FAF2: variants seen among roughly 807,000 people sequenced by gnomAD.
FAF2 encodes the protein FAS-associated factor 2.
A neutral mutation model predicts 62.3 loss-of-function variants in FAF2; 9 were observed. The observed-to-expected ratio is 0.14, with a 90% CI of 0.09 to 0.25. The LOEUF is 0.25. FAF2 is among the 10% of genes least tolerant of loss of function. The probability of loss-of-function intolerance (pLI) is 1.00; values close to 1 mark genes in which losing one functional copy is unlikely to be tolerated. For missense variants in FAF2, 368 were observed against 556.2 expected (o/e 0.66, Z 3.40); for synonymous variants, 202 against 198.0 (o/e 1.02, Z -0.17).
At chr5:176,504,425 A>C (rs572577409) in intron 10 of FAF2, among the ~76,000 whole-genome samples, 5 of 152,046 alleles carry the variant, frequency 3.3e-5, no homozygotes, top group Non-Finnish European at 7.4e-5. Flanking sequence ...CTCTACAAAA[A>C]ACACAAAAAT....
Position 176,492,211 on chromosome 5 carries a change from T to C in FAF2, c.362T>C (p.Ile121Thr), listed in dbSNP as rs1758983167. Residue 121 changes from isoleucine to threonine, a missense_variant, in exon 5 of 11, where the codon ATA becomes ACA. Coordinates refer to ENST00000261942, the MANE Select transcript of FAF2 (RefSeq NM_014613.3). Reference protein sequence around the residue: ...LDIFRFALRFIRPDPRSRVTD... With the variant: ...LDIFRFALRFTRPDPRSRVTD... Reference sequence around the variant, plus strand: ...CTCCCCAGGTTTGCTCTTCGTTTTATACGGCCTGACCCTCGCAGCCGGGTC... The same window carrying C: ...CTCCCCAGGTTTGCTCTTCGTTTTACACGGCCTGACCCTCGCAGCCGGGTC... The C allele has an allele frequency of 6.2e-7, 1 of 1,614,220 alleles. No homozygotes were observed. The highest frequency in any genetic ancestry group is 8.5e-7 in the Non-Finnish European group (1 of 1,180,038).
Position 176,507,305 on chromosome 5 carries a change from A to G in FAF2, c.*355A>G, listed in dbSNP as rs1034356605. The G allele has an allele frequency of 8.8e-6, 4 of 454,140 alleles. No individual in the cohort carries two copies. Among genetic ancestry groups the G allele is most frequent in the Non-Finnish European group, 1.8e-5 (4 of 225,976 alleles). The allele number at this position is 454,140 out of a possible 1,614,324, so 28.1% of individuals were successfully genotyped here. ...GGGACATTCCCACTAGTTCTCATTC[A>G]TTCTTGCTTTTATGAAAAATAAAAG... On this transcript the variant is annotated 3_prime_UTR_variant, in exon 11 of 11. Coordinates refer to ENST00000261942, the MANE Select transcript of FAF2 (RefSeq NM_014613.3).
intron 1 of FAF2, among the ~76,000 whole-genome samples, chr5:176,461,889 A>G (rs1259733085): frequency 6.6e-6 from 1 of 152,170 alleles, no homozygotes; most frequent in Admixed American, 6.6e-5. Context: ...CAATGTCCAG[A>G]ATGATACTAC....
intron 1 of FAF2, among the ~76,000 whole-genome samples, chr5:176,478,305 C>T (rs1010124476): frequency 2.6e-5 from 4 of 152,118 alleles, no homozygotes; most frequent in Admixed American, 6.6e-5. Flanking sequence ...AGAGAGATCC[C>T]GTCTTTACAA....
chr5:176,476,804 A>ATTTTTTTTTT (rs749952460), intron 1 of FAF2, among the ~76,000 whole-genome samples: 1 of 92,872 alleles, frequency 1.1e-5, no homozygotes, highest in African/African-American at 4.9e-5. Flanking sequence ...TGCTGAACTA[A>ATTTTTTTTTT]TTTTTTTTTT....
At chr5:176,478,008 A>T (rs1176141048) in intron 1 of FAF2, among the ~76,000 whole-genome samples, 1 of 152,192 alleles carries the variant, frequency 6.6e-6, no homozygotes, top group East Asian at 1.9e-4. Flanking sequence ...TGCTGTACAG[A>T]ATAGGCATGT....
chr5:176,492,342 A>C lies in FAF2; in HGVS notation c.483+10A>C, dbSNP rs764875808. ...GGGAACGTACAGCCAGGTCAGTGCC[A>C]TAAACCATATAGATGCCAACTTACC... is the stretch of plus-strand genomic sequence containing the variant. On this transcript the variant is annotated intron_variant, in intron 5 of 10. Transcript: ENST00000261942. 2 of 1,609,504 alleles carry C rather than the reference A, an allele frequency of 1.2e-6. No homozygotes were observed. The highest frequency in any genetic ancestry group is 1.7e-4 in the Middle Eastern group (1 of 6,022).
At chr5:176,476,311 G>A (rs970800698) in intron 1 of FAF2, among the ~76,000 whole-genome samples, 3 of 152,088 alleles carry the variant, frequency 2.0e-5, no homozygotes, top group Non-Finnish European at 4.4e-5. Flanking sequence ...TGTAAAGTGA[G>A]ATTTTGTGAT....
Position 176,507,298 on chromosome 5 carries a change from C to T in FAF2, c.*348C>T. 2.2e-6 allele frequency: 1 copy of T among 454,540 alleles called. No individual in the cohort carries two copies. The highest frequency in any genetic ancestry group is 1.6e-5 in the South Asian group (1 of 63,964). 28.2% of individuals were successfully genotyped at this position (454,540 alleles called of 1,614,324 possible). On this transcript the variant is annotated 3_prime_UTR_variant, in exon 11 of 11. Coordinates refer to ENST00000261942, the MANE Select transcript of FAF2 (RefSeq NM_014613.3). ...TGGGAAGGGGACATTCCCACTAGTT[C>T]TCATTCATTCTTGCTTTTATGAAAA... is the stretch of plus-strand genomic sequence containing the variant.
intron 1 of FAF2, among the ~76,000 whole-genome samples, chr5:176,464,998 T>C (rs1053056862): frequency 6.6e-5 from 10 of 152,132 alleles, no homozygotes; most frequent in African/African-American, 2.4e-4. Flanking sequence ...AGTGATTCTC[T>C]TGCCTCAGCC....
At chr5:176,505,889 C>G (rs1755673529) in intron 10 of FAF2, among the ~76,000 whole-genome samples, 1 of 152,090 alleles carries the variant, frequency 6.6e-6, no homozygotes, top group Admixed American at 6.6e-5. Context: ...GGATCCTTGG[C>G]TGGGCACGGT....
intron 2 of FAF2, among the ~76,000 whole-genome samples, chr5:176,480,175 GT>G (rs1758765010): frequency 6.6e-6 from 1 of 151,988 alleles, no homozygotes; most frequent in South Asian, 2.1e-4. Flanking sequence ...TATATTAATA[GT>G]TTATACTGAG....
At chr5:176,497,827 A>G (rs140893067) in intron 8 of FAF2, among the ~76,000 whole-genome samples, 10 of 152,334 alleles carry the variant, frequency 6.6e-5, no homozygotes, top group African/African-American at 1.9e-4. Flanking sequence ...TTTTAATAAC[A>G]TGGGGACATG....
At chr5:176,461,558 T>C (rs1246662962) in intron 1 of FAF2, among the ~76,000 whole-genome samples, 1 of 151,796 alleles carries the variant, frequency 6.6e-6, no homozygotes, top group Non-Finnish European at 1.5e-5. Flanking sequence ...GAACTTCTGA[T>C]TTCAAGTCAT....
chr5:176,460,595 G>A (rs115828956), intron 1 of FAF2, among the ~76,000 whole-genome samples: 2,098 of 151,184 alleles, frequency 0.014, 40 homozygotes, highest in African/African-American at 0.048. Flanking sequence ...GCCTGGGCTA[G>A]AGTGTAGTGG....
In FAF2 at chr5:176,479,183, T is replaced by C. The variant is rs1480858205; in HGVS notation, c.64-5T>C. 3 of 1,613,604 alleles carry C rather than the reference T, an allele frequency of 1.9e-6. No individual in the cohort carries two copies. The highest frequency in any genetic ancestry group is 2.5e-6 in the Non-Finnish European group (3 of 1,179,678). Reference sequence around the variant, plus strand: ...TAAGTAACTTGTTTTCATCCTTCTTTTCAGGATCTCACTGGCATCGAATCT... The same window carrying C: ...TAAGTAACTTGTTTTCATCCTTCTTCTCAGGATCTCACTGGCATCGAATCT... On this transcript the variant is annotated splice_region_variant and splice_polypyrimidine_tract_variant and intron_variant, in intron 1 of 10. Coordinates refer to ENST00000261942, the MANE Select transcript of FAF2 (RefSeq NM_014613.3).
At chr5:176,470,282 A>G (rs575417398) in intron 1 of FAF2, among the ~76,000 whole-genome samples, 12 of 152,248 alleles carry the variant, frequency 7.9e-5, no homozygotes, top group Non-Finnish European at 1.6e-4. Flanking sequence ...TTTCTCTAAT[A>G]TTTAAACTTT....
In FAF2 at chr5:176,507,924, C is replaced by T. The variant is rs1444187170; in HGVS notation, c.*974C>T. The T allele has an allele frequency of 1.3e-5, 2 of 152,650 alleles. No homozygotes were observed. Among genetic ancestry groups the T allele is most frequent in the East Asian group, 3.9e-4 (2 of 5,188 alleles). The allele number at this position is 152,650 out of a possible 1,614,324, so 9.5% of individuals were successfully genotyped here. On this transcript the variant is annotated 3_prime_UTR_variant, in exon 11 of 11. Transcript: ENST00000261942. ...TCTTCTGACATGTGCATGCTGCTCC[C>T]CCCAGCCCTGGGCTTTCCTGAATTG...
At chr5:176,467,364 CT>C (rs1427486128) in intron 1 of FAF2, among the ~76,000 whole-genome samples, 1 of 151,822 alleles carries the variant, frequency 6.6e-6, no homozygotes, top group East Asian at 1.9e-4. Context: ...CAGTGTCGCC[CT>C]TTTTGCCCAG....
Sources: allele counts gnomAD v4.1 joint callset (sites outside exome capture counted in the v4.1 genomes callset), GRCh38; gene constraint gnomAD v4.1.1; transcripts MANE v1.5; gene names NCBI Gene and HGNC (gene_info 2026-07-23, HGNC 2026-07-21).